The following CAMTA1 variants were observed in gnomAD, a reference collection of about 807,000 sequenced individuals.
CAMTA1 encodes the protein calmodulin-binding transcription activator 1.
A neutral mutation model predicts 170.9 loss-of-function variants in CAMTA1; 27 were observed. The ratio of observed to expected loss-of-function variants is 0.16; its 90% confidence interval spans 0.12 to 0.22. The LOEUF is 0.22. Ranked by LOEUF, CAMTA1 falls within the 10% of genes least tolerant of loss-of-function variation. The pLI is 1.00. For missense variants in CAMTA1, 1,619 were observed against 2,217.2 expected (o/e 0.73, Z 5.42); for synonymous variants, 833 against 891.5 (o/e 0.93, Z 1.17).
At chr1:7,180,452 C>T (rs899966453) in intron 4 of CAMTA1, among the ~76,000 whole-genome samples, 2 of 149,346 alleles carry the variant, frequency 1.3e-5, no homozygotes, top group African/African-American at 4.9e-5. Context: ...CTTAAATAAA[C>T]CAATTTCCAT....
chr1:7,577,889 T>C (rs1397957564), intron 6 of CAMTA1, among the ~76,000 whole-genome samples: 1 of 152,204 alleles, frequency 6.6e-6, no homozygotes, highest in Non-Finnish European at 1.5e-5. Context: ...TGGACTATAG[T>C]TTGCCAACCC....
chr1:7,185,955 T>C (rs1297765089), intron 4 of CAMTA1, among the ~76,000 whole-genome samples: 1 of 152,224 alleles, frequency 6.6e-6, no homozygotes, highest in East Asian at 1.9e-4. Context: ...TTTCTTTAGC[T>C]CTCAAGGGCT....
At chr1:6,910,831 C>T (rs1045524445) in intron 3 of CAMTA1, among the ~76,000 whole-genome samples, 1 of 152,212 alleles carries the variant, frequency 6.6e-6, no homozygotes, top group Non-Finnish European at 1.5e-5. Flanking sequence ...GACCCAGGCC[C>T]TGGGCTGCTA....
chr1:7,378,541 G>A (rs373786330), intron 5 of CAMTA1, among the ~76,000 whole-genome samples: 11 of 152,192 alleles, frequency 7.2e-5, no homozygotes, highest in African/African-American at 2.7e-4. Context: ...TTATGTGAAC[G>A]TCCAGGCAAA....
intron 3 of CAMTA1, among the ~76,000 whole-genome samples, chr1:6,993,047 T>C (rs1369108940): frequency 6.6e-6 from 1 of 152,252 alleles, no homozygotes; most frequent in Non-Finnish European, 1.5e-5. Context: ...CACATAAGGG[T>C]GGATCTATTT....
intron 3 of CAMTA1, among the ~76,000 whole-genome samples, chr1:6,983,193 G>A (rs535954920): frequency 6.6e-6 from 1 of 152,190 alleles, no homozygotes; most frequent in Non-Finnish European, 1.5e-5. Context: ...CTAAGAGTAT[G>A]TGCGGGGAAC....
intron 5 of CAMTA1, among the ~76,000 whole-genome samples, chr1:7,321,361 A>G (rs1015015165): frequency 6.6e-6 from 1 of 152,126 alleles, no homozygotes; most frequent in Non-Finnish European, 1.5e-5. Context: ...CACCATTGCT[A>G]TCAGCAAGTC....
chr1:6,835,481 T>A (rs936896435), intron 3 of CAMTA1, among the ~76,000 whole-genome samples: 3 of 152,324 alleles, frequency 2.0e-5, no homozygotes, highest in Non-Finnish European at 4.4e-5. Context: ...TGAGTGGATT[T>A]AGGCTTGAGC....
intron 4 of CAMTA1, among the ~76,000 whole-genome samples, chr1:7,191,131 G>A (rs1482702494): frequency 6.6e-6 from 1 of 152,188 alleles, no homozygotes; most frequent in Admixed American, 6.5e-5. Context: ...CTGATTATAA[G>A]AGCCCTTGGG....
chr1:7,578,657 CAATGA>C, intron 6 of CAMTA1, among the ~76,000 whole-genome samples: 1 of 152,186 alleles, frequency 6.6e-6, no homozygotes, highest in Non-Finnish European at 1.5e-5. Context: ...GGGTAACTTA[CAATGA>C]GCAGAAATGT....
chr1:6,822,630 C>T (rs150472134), intron 2 of CAMTA1, among the ~76,000 whole-genome samples: 2 of 152,204 alleles, frequency 1.3e-5, no homozygotes, highest in East Asian at 1.9e-4. Flanking sequence ...GCCACACCTC[C>T]GTGTAAAGTG....
intron 11 of CAMTA1, chr1:7,694,333 G>A (rs1482255878): frequency 1.3e-5 from 2 of 152,166 alleles, no homozygotes; most frequent in African/African-American, 4.8e-5. Flanking sequence ...AATAGTTTGG[G>A]TGAATACTTT....
At chr1:7,395,872 A>G (rs866808856) in intron 5 of CAMTA1, among the ~76,000 whole-genome samples, 18 of 152,070 alleles carry the variant, frequency 1.2e-4, no homozygotes, top group African/African-American at 4.1e-4. Flanking sequence ...TCTTTTTCAG[A>G]TAATTCACTA....
At chr1:6,806,015 A>G (rs534135968) in intron 1 of CAMTA1, among the ~76,000 whole-genome samples, 1 of 151,972 alleles carries the variant, frequency 6.6e-6, no homozygotes, top group Non-Finnish European at 1.5e-5. Flanking sequence ...TAGTTCTCTG[A>G]TAGATCTTCA....
intron 4 of CAMTA1, among the ~76,000 whole-genome samples, chr1:7,111,040 C>T (rs944750639): frequency 2.0e-5 from 3 of 152,242 alleles, no homozygotes; most frequent in South Asian, 2.1e-4. Flanking sequence ...CCTCTTCCAG[C>T]GGCTAGAGGC....
At chr1:6,788,999 T>C (rs1174536625) in intron 1 of CAMTA1, among the ~76,000 whole-genome samples, 1 of 152,238 alleles carries the variant, frequency 6.6e-6, no homozygotes, top group African/African-American at 2.4e-5. Flanking sequence ...GACATGACTC[T>C]TTCCTCTCCT....
At chr1:7,477,111 G>C (rs1448347741) in intron 6 of CAMTA1, among the ~76,000 whole-genome samples, 1 of 152,206 alleles carries the variant, frequency 6.6e-6, no homozygotes, top group African/African-American at 2.4e-5. Context: ...CCAGGTAGGA[G>C]GAAACCCTGG....
Position 7,670,950 on chromosome 1 carries a change from G to A in CAMTA1, c.2692G>A (p.Ala898Thr). Residue 898 changes from alanine (A) to threonine (T), a missense_variant, in exon 10 of 23, where the codon GCC becomes ACC. By Grantham distance (58) the Ala-to-Thr change is moderately conservative (BLOSUM62 0). Coordinates refer to ENST00000303635, the MANE Select transcript of CAMTA1 (RefSeq NM_015215.4). Reference protein sequence around the residue: ...KVLITGPWQEASNNYSCLFDQ... With the variant: ...KVLITGPWQETSNNYSCLFDQ... ...CCTCATCACAGGCCCGTGGCAAGAAGCCAGCAATAACTACAGCTGCCTGTT... is the reference window on the plus strand; with the variant it reads ...CCTCATCACAGGCCCGTGGCAAGAAACCAGCAATAACTACAGCTGCCTGTT... 6.2e-7 allele frequency: 1 copy of A among 1,613,872 alleles called. No homozygotes were observed. Among genetic ancestry groups the A allele is most frequent in the Non-Finnish European group, 8.5e-7 (1 of 1,179,974 alleles).
intron 6 of CAMTA1, among the ~76,000 whole-genome samples, chr1:7,573,816 C>T (rs779398325): frequency 1.4e-4 from 21 of 152,154 alleles, no homozygotes; most frequent in Non-Finnish European, 2.2e-4. Flanking sequence ...CTCTGTTGCC[C>T]GGGCTGGAGT....
Sources: allele counts gnomAD v4.1 joint callset (sites outside exome capture counted in the v4.1 genomes callset), GRCh38; gene constraint gnomAD v4.1.1; transcripts MANE v1.5; gene names NCBI Gene and HGNC (gene_info 2026-07-23, HGNC 2026-07-21).